The following TBC1D10A variants were observed in gnomAD, a reference collection of about 807,000 sequenced individuals.
TBC1D10A encodes the protein TBC1 domain family member 10A, also known as EBP50-PDX interactor of 64 kDa.
Under a neutral mutation model 52.9 loss-of-function variants are expected in TBC1D10A, and 24 were observed. That is an observed-to-expected ratio of 0.45 (90% CI 0.33 to 0.64). The LOEUF (loss-of-function observed/expected upper bound fraction) is 0.64. Ranked by LOEUF, TBC1D10A falls within the 30% of genes least tolerant of loss-of-function variation. The probability of loss-of-function intolerance (pLI) is 0.02; values close to 1 mark genes in which losing one functional copy is unlikely to be tolerated. For synonymous variants in TBC1D10A, 278 were observed against 282.9 expected, an observed-to-expected ratio of 0.98 and a Z score of 0.17; for missense variants, 602 against 687.9, an observed-to-expected ratio of 0.88 and a Z score of 1.40.
At chr22:30,324,508 G>A (rs920949395) in intron 1 of TBC1D10A, among the ~76,000 whole-genome samples, 1 of 152,150 alleles carries the variant, frequency 6.6e-6, no homozygotes. Flanking sequence ...GCCACATCCC[G>A]GGTTTGTGGT....
At chr22:30,310,083 T>C (rs542817396) in intron 1 of TBC1D10A, among the ~76,000 whole-genome samples, 2 of 152,122 alleles carry the variant, frequency 1.3e-5, no homozygotes, top group East Asian at 1.9e-4. Flanking sequence ...GGAAACCAGG[T>C]GGGGTGTAGG....
At chr22:30,293,427 T>C (rs1929995625) in intron 8 of TBC1D10A, 1 of 751,924 alleles carries the variant, frequency 1.3e-6, no homozygotes, top group Admixed American at 2.0e-5. Flanking sequence ...TCTTCTTCAT[T>C]CCCAAGCGGC....
intron 1 of TBC1D10A, among the ~76,000 whole-genome samples, chr22:30,325,823 G>T (rs561244490): frequency 2.6e-5 from 4 of 152,270 alleles, no homozygotes; most frequent in Admixed American, 2.6e-4. Context: ...CCACGCCCAA[G>T]ATCTGCCCTT....
At chr22:30,318,385 A>C (rs901249191) in intron 1 of TBC1D10A, among the ~76,000 whole-genome samples, 2 of 152,166 alleles carry the variant, frequency 1.3e-5, no homozygotes, top group Non-Finnish European at 2.9e-5. Context: ...GAGACCAGGA[A>C]GCTCAACACC....
In TBC1D10A at chr22:30,294,964, A is replaced by G. The variant is rs1930043191; in HGVS notation, c.616T>C (p.Leu206=). 1 of 1,614,062 alleles carries G rather than the reference A, an allele frequency of 6.2e-7. No individual in the cohort carries two copies. Among genetic ancestry groups the G allele is most frequent in the East Asian group, 2.2e-5 (1 of 44,880 alleles). The part of the protein sequence containing the change: ...CQAQAPIAAV[L]LMHMPAEQAF... ...ACCTCAGCAGGCATATGCATGAGCAAGACAGCGGCAATGGGCGCCTGGGCC... is the reference window on the plus strand; with the variant it reads ...ACCTCAGCAGGCATATGCATGAGCAGGACAGCGGCAATGGGCGCCTGGGCC... The change falls in exon 5 of 9, where the codon TTG becomes CTG. Residue 206 remains leucine (L), a synonymous_variant. Coordinates refer to ENST00000215790, the MANE Select transcript of TBC1D10A (RefSeq NM_031937.3).
Position 30,292,590 on chromosome 22 carries a change from G to A in TBC1D10A, c.1312C>T (p.Gln438Ter). 2 of 1,613,766 alleles carry A rather than the reference G, an allele frequency of 1.2e-6. No homozygotes were observed. Among genetic ancestry groups the A allele is most frequent in the Non-Finnish European group, 1.7e-6 (2 of 1,179,904 alleles). ...TCCAGCTGCCCTCTCCCCTTCATCT[G>A]TTTCCGCTGCTCCTTCTGGGCCTGC... is the stretch of plus-strand genomic sequence containing the variant. ...PKQAQKEQRK[Q>*]MKGRGQLEKP... The change falls in exon 9 of 9, where the codon CAG becomes TAG. Residue 438 changes from glutamine to a stop codon, truncating the protein, a stop_gained. Coordinates refer to ENST00000215790, the MANE Select transcript of TBC1D10A (RefSeq NM_031937.3). LOFTEE classifies it low-confidence loss of function (END_TRUNC).
At position 30,295,742 on chromosome 22, in the gene TBC1D10A, G is replaced by GC. The variant is rs772995689; in HGVS notation, c.518dup (p.His174ProfsTer40). 1.2e-5 allele frequency: 20 copies of GC among 1,613,382 alleles called. No individual in the cohort carries two copies. Among genetic ancestry groups the GC allele is most frequent in the African/African-American group, 1.3e-5 (1 of 74,868 alleles). ...ATGAGGCCCAGCCTGCTCACCCGTG[G>GC]CCCCCCCGGGACACAAACATCTCAT... On this transcript the variant is annotated frameshift_variant, in exon 4 of 9. Coordinates refer to ENST00000215790, the MANE Select transcript of TBC1D10A (RefSeq NM_031937.3). LOFTEE classifies it high-confidence loss of function.
At chr22:30,306,534 C>T (rs1008190291) in intron 1 of TBC1D10A, among the ~76,000 whole-genome samples, 1 of 152,130 alleles carries the variant, frequency 6.6e-6, no homozygotes, top group African/African-American at 2.4e-5. Flanking sequence ...CAGAAGAGTA[C>T]AAAACAAACT....
At chr22:30,305,670 CCT>C (rs1385655317) in intron 1 of TBC1D10A, 1 of 152,206 alleles carries the variant, frequency 6.6e-6, no homozygotes, top group Non-Finnish European at 1.5e-5. Context: ...AGTCTCTGAT[CCT>C]CTCTCTGCCG....
In TBC1D10A at chr22:30,292,667, A is replaced by C; in HGVS notation, c.1235T>G (p.Leu412Arg). 1 of 1,609,768 alleles carries C rather than the reference A, an allele frequency of 6.2e-7. No individual in the cohort carries two copies. Among genetic ancestry groups the C allele is most frequent in the South Asian group, 1.1e-5 (1 of 90,628 alleles). ...GCCAGGGAGGGGGGCATCTAGGGGC[A>C]GGCGGATGGATGGTGAAGGTTGTAG... is the stretch of plus-strand genomic sequence containing the variant. ...PALQPSPSIR[L>R]PLDAPLPGSK... The change falls in exon 9 of 9, where the codon CTG (leucine) becomes CGG (arginine). Residue 412 changes from leucine (L) to arginine (R), a missense_variant. By Grantham distance (102) the Leu-to-Arg change is moderately radical (BLOSUM62 -2). This residue lies in a region of TBC1D10A where 265 missense variants were observed against 275.1 expected (regional missense o/e 0.96). Transcript: ENST00000215790.
intron 4 of TBC1D10A, among the ~76,000 whole-genome samples, 157 bp downstream of exon 4, chr22:30,295,580 G>C (rs574487392): frequency 2.6e-4 from 39 of 152,314 alleles, no homozygotes; most frequent in Admixed American, 2.1e-3. Flanking sequence ...AGGAGATGCT[G>C]AGAACACACA....
At chr22:30,314,524 A>G (rs911173895) in intron 1 of TBC1D10A, among the ~76,000 whole-genome samples, 3 of 152,170 alleles carry the variant, frequency 2.0e-5, no homozygotes, top group African/African-American at 7.2e-5. Flanking sequence ...GAAAGTCTAC[A>G]TGGTGCCAGG....
chr22:30,306,467 CCA>C (rs1476645772), intron 1 of TBC1D10A, among the ~76,000 whole-genome samples: 1 of 152,168 alleles, frequency 6.6e-6, no homozygotes, highest in Non-Finnish European at 1.5e-5. Context: ...TTAACTGATG[CCA>C]GATAACAGCT....
At chr22:30,307,512 G>A (rs1020622914) in intron 1 of TBC1D10A, among the ~76,000 whole-genome samples, 2 of 152,020 alleles carry the variant, frequency 1.3e-5, no homozygotes, top group Non-Finnish European at 2.9e-5. Flanking sequence ...TCTCAACACC[G>A]CTTTTGAGGC....
In TBC1D10A at chr22:30,313,051, T is replaced by C. The variant is rs538733514; in HGVS notation, c.210-8421A>G. Among the ~76,000 whole-genome samples, 39 of 152,058 alleles carry C rather than the reference T, an allele frequency of 2.6e-4. No homozygotes were observed. In the South Asian group the frequency reaches 7.1e-3, roughly 28 times the overall value. On this transcript the variant is annotated intron_variant, in intron 1 of 8. Transcript: ENST00000215790. ...GTTTAGAGAAAGCTTTAAAGGGGAA[T>C]TGACTTTTGAATTGGGGTTTGAAGG... is the stretch of plus-strand genomic sequence containing the variant.
chr22:30,294,409 C>T (rs543656153), intron 6 of TBC1D10A, among the ~76,000 whole-genome samples: 3 of 152,270 alleles, frequency 2.0e-5, no homozygotes, highest in Non-Finnish European at 4.4e-5. Context: ...TGGAGGGTCT[C>T]GCCTGTCAGG....
In TBC1D10A at chr22:30,293,788, G is replaced by A. The variant is rs199890944; in HGVS notation, c.913C>T (p.Arg305Trp). 1.1e-5 allele frequency: 17 copies of A among 1,611,644 alleles called. No individual in the cohort carries two copies. Among genetic ancestry groups the A allele is most frequent in the East Asian group, 2.2e-5 (1 of 44,794 alleles). ...FFCEGVKIIF[R>W]VGLVLLKHAL... ...TGCTTCAGCAGCACCAGCCCCACCC[G>A]GAAGATGATCTTGACCCCTGCATGG... Residue 305 changes from arginine (R) to tryptophan (W), a missense_variant, in exon 8 of 9, where the codon CGG (arginine) becomes TGG (tryptophan). By Grantham distance (101) the Arg-to-Trp change is moderately radical. This residue lies in a region of TBC1D10A where 265 missense variants were observed against 275.1 expected (regional missense o/e 0.96). Coordinates refer to ENST00000215790, the MANE Select transcript of TBC1D10A (RefSeq NM_031937.3).
Position 30,326,675 on chromosome 22 carries a change from G to T in TBC1D10A, c.207C>A (p.Gly69=). 6.5e-7 allele frequency: 1 copy of T among 1,550,182 alleles called. No homozygotes were observed. Among genetic ancestry groups the T allele is most frequent in the African/African-American group, 1.4e-5 (1 of 70,566 alleles). ...GFIVGSQGAE[G]ALEEVPLEVL... Reference sequence around the variant, plus strand: ...TCCCGACCCCCGGCGCTACTCACGCGCCCTCGGCGCCCTGCGAGCCCACGA... The same window carrying T: ...TCCCGACCCCCGGCGCTACTCACGCTCCCTCGGCGCCCTGCGAGCCCACGA... Residue 69 remains glycine (G), a splice_region_variant and synonymous_variant, in exon 1 of 9, where the codon GGC becomes GGA. Coordinates refer to ENST00000215790, the MANE Select transcript of TBC1D10A (RefSeq NM_031937.3).
chr22:30,302,985 T>A (rs1161497785), intron 2 of TBC1D10A, among the ~76,000 whole-genome samples: 2 of 152,180 alleles, frequency 1.3e-5, no homozygotes, highest in Non-Finnish European at 2.9e-5. Flanking sequence ...ACATTGTTTT[T>A]TAAAAAAGAG....
Sources: gnomAD v4.1 joint callset for allele counts (sites outside exome capture counted in the v4.1 genomes callset) on GRCh38, gnomAD v4.1.1 for gene constraint, gnomAD v4.1.1 regional missense constraint, MANE v1.5 for transcripts, NCBI Gene and HGNC (gene_info 2026-07-23, HGNC 2026-07-21) for gene names.